Variants in RFTN1 observed in about 807,000 individuals in gnomAD.
RFTN1 encodes the protein raftlin.
RFTN1 carries 26 observed loss-of-function variants against 46.5 expected under a neutral mutation model. That is an observed-to-expected ratio of 0.56 (90% CI 0.41 to 0.78). The LOEUF (loss-of-function observed/expected upper bound fraction) is 0.78, where lower values mean the gene tolerates loss of function less well. Among genes scored for constraint, RFTN1 ranks in the 30% least tolerant of loss-of-function variants. RFTN1 has a pLI of 0.00. For synonymous variants in RFTN1, 261 were observed against 284.2 expected (o/e 0.92, Z 0.82); for missense variants, 693 against 718.7 (o/e 0.96, Z 0.41).
chr3:16,501,610 C>T (rs1164961422), intron 1 of RFTN1, among the ~76,000 whole-genome samples: 1 of 152,210 alleles, frequency 6.6e-6, no homozygotes, highest in Non-Finnish European at 1.5e-5. Context: ...TGCAATGATG[C>T]TGGATCAGCT....
chr3:16,319,392 A>G (rs180773723), intron 9 of RFTN1, among the ~76,000 whole-genome samples: 205 of 152,330 alleles, frequency 1.3e-3, no homozygotes, highest in African/African-American at 4.8e-3. Context: ...ATTAGCTGTC[A>G]GTCTTTAGGC....
At position 16,452,352 on chromosome 3, in the gene RFTN1, C is replaced by T. The variant is rs2075834575; in HGVS notation, c.146-18315G>A. Reference sequence around the variant, plus strand: ...AAGGGAAAAGTAATTTTAAAATGTGCGGGGTTACATTCAGATACCTTTGTA... The same window carrying T: ...AAGGGAAAAGTAATTTTAAAATGTGTGGGGTTACATTCAGATACCTTTGTA... On this transcript the variant is annotated intron_variant, in intron 2 of 9. Transcript: ENST00000334133. The surrounding 1 kb of genome is among the most constrained non-coding windows in gnomAD (Gnocchi z 6.3). 6.6e-6 allele frequency among the ~76,000 whole-genome samples: 1 copy of T among 152,072 alleles called. No homozygotes were observed. The highest frequency in any genetic ancestry group is 2.4e-5 in the African/African-American group (1 of 41,400).
At chr3:16,511,322 A>C (rs1241905123) in intron 1 of RFTN1, among the ~76,000 whole-genome samples, 1 of 152,244 alleles carries the variant, frequency 6.6e-6, no homozygotes, top group Non-Finnish European at 1.5e-5. Flanking sequence ...TGAAGTCAAA[A>C]TAATAAAATG....
In RFTN1 at chr3:16,381,812, T is replaced by C. The variant is rs144046883; in HGVS notation, c.442-3710A>G. Among the ~76,000 whole-genome samples, 326 of 152,242 alleles carry C rather than the reference T, an allele frequency of 2.1e-3. 2 individuals carry two copies. Among genetic ancestry groups the C allele is most frequent in the Non-Finnish European group, 4.1e-3 (280 of 68,028 alleles). ...CCCAGAAATGAAGCTTGACTAGACA[T>C]GACAAGGACCGGATCACATATGGCC... On this transcript the variant is annotated intron_variant, in intron 4 of 9. Coordinates refer to ENST00000334133, the MANE Select transcript of RFTN1 (RefSeq NM_015150.2). This position sits in a 1 kb window ranked among gnomAD's most constrained non-coding sequence, Gnocchi z 4.2.
rs940248259 is a variant in RFTN1, at chr3:16,334,575, T to C, written c.1147-7699A>G. The stretch of plus-strand genomic sequence containing the variant: ...ACAGCTCAGAGAACTGGGCAATGGC[T>C]GCTCATGTGTTGAGCCGGGGCATAC... On this transcript the variant is annotated intron_variant, in intron 7 of 9. Coordinates refer to ENST00000334133, the MANE Select transcript of RFTN1 (RefSeq NM_015150.2). This position sits in a 1 kb window ranked among gnomAD's most constrained non-coding sequence, Gnocchi z 4.3. Among the ~76,000 whole-genome samples the C allele has an allele frequency of 1.3e-5, 2 of 152,204 alleles. No individual in the cohort carries two copies. Among genetic ancestry groups the C allele is most frequent in the Non-Finnish European group, 2.9e-5 (2 of 68,034 alleles).
Position 16,377,802 on chromosome 3 carries a change from C to G in RFTN1, c.742G>C (p.Glu248Gln), listed in dbSNP as rs34276015. ...TTGCTCACCCCCTGTGGTGAAAGTTCTCCACCATCTCCCTCTCCGGAGGGT... is the reference window on the plus strand; with the variant it reads ...TTGCTCACCCCCTGTGGTGAAAGTTGTCCACCATCTCCCTCTCCGGAGGGT... Reference protein sequence around the residue: ...SSPSGEGDGGELSPQGVSKTL... With the variant: ...SSPSGEGDGGQLSPQGVSKTL... Residue 248 changes from glutamate (E) to glutamine (Q), a missense_variant, in exon 5 of 10, where the codon GAA (glutamate) becomes CAA (glutamine). Coordinates refer to ENST00000334133, the MANE Select transcript of RFTN1 (RefSeq NM_015150.2). 1.2e-6 allele frequency: 2 copies of G among 1,614,076 alleles called. No homozygotes were observed. Among genetic ancestry groups the G allele is most frequent in the Non-Finnish European group, 1.7e-6 (2 of 1,180,026 alleles).
At chr3:16,364,013 C>A (rs1057268191) in intron 6 of RFTN1, among the ~76,000 whole-genome samples, 4 of 152,232 alleles carry the variant, frequency 2.6e-5, no homozygotes, top group Admixed American at 6.5e-5. Context: ...CTAATTTGCT[C>A]TATTAACCAA....
At position 16,322,767 on chromosome 3, in the gene RFTN1, T is replaced by C. The variant is rs1233877312; in HGVS notation, c.1332+609A>G. 6.6e-6 allele frequency among the ~76,000 whole-genome samples: 1 copy of C among 152,114 alleles called. No homozygotes were observed. Among genetic ancestry groups the C allele is most frequent in the Non-Finnish European group, 1.5e-5 (1 of 68,016 alleles). On this transcript the variant is annotated intron_variant, in intron 9 of 9. Coordinates refer to ENST00000334133, the MANE Select transcript of RFTN1 (RefSeq NM_015150.2). The surrounding 1 kb of genome is among the most constrained non-coding windows in gnomAD (Gnocchi z 6.2). ...GAAGGCCAGTCTCTGTGCGACTGTT[T>C]CTAGGGTAGTTCAGAGTCCGGAGAG...
At chr3:16,471,189 A>G (rs2076188848) in intron 2 of RFTN1, among the ~76,000 whole-genome samples, 2 of 152,236 alleles carry the variant, frequency 1.3e-5, no homozygotes, top group Non-Finnish European at 2.9e-5. Context: ...CAAAGACAAA[A>G]ATGTGTGACT....
Position 16,480,022 on chromosome 3 carries a change from C to A in RFTN1, c.145+13703G>T, listed in dbSNP as rs898869427. Reference sequence around the variant, plus strand: ...CCAGAATTTGGTGGGATGTTTCAGACGCTGTTTCCTACATTGAGAGACCTT... The same window carrying A: ...CCAGAATTTGGTGGGATGTTTCAGAAGCTGTTTCCTACATTGAGAGACCTT... On this transcript the variant is annotated intron_variant, in intron 2 of 9. Transcript: ENST00000334133. This position sits in a 1 kb window ranked among gnomAD's most constrained non-coding sequence, Gnocchi z 4.3. Among the ~76,000 whole-genome samples, 1 of 152,194 alleles carries A rather than the reference C, an allele frequency of 6.6e-6. No individual in the cohort carries two copies. The highest frequency in any genetic ancestry group is 1.5e-5 in the Non-Finnish European group (1 of 68,034).
chr3:16,464,105 C>A (rs1360368505), intron 2 of RFTN1, among the ~76,000 whole-genome samples: 1 of 152,180 alleles, frequency 6.6e-6, no homozygotes, highest in African/African-American at 2.4e-5. Flanking sequence ...AACCTCTCGT[C>A]CCATGCAGTC....
intron 2 of RFTN1, among the ~76,000 whole-genome samples, chr3:16,477,195 G>GA (rs1202155907): frequency 5.0e-5 from 6 of 119,792 alleles, no homozygotes; most frequent in Admixed American, 4.8e-4. Context: ...TAAATTATTT[G>GA]GTTTTTTTCC....
Position 16,452,832 on chromosome 3 carries a change from T to A in RFTN1, c.146-18795A>T, listed in dbSNP as rs1340853156. ...CAATATCACAAGCCGTTCTTCCCTA[T>A]CAAGTTCTTTTGCACTTAGTGTTTC... On this transcript the variant is annotated intron_variant, in intron 2 of 9. Transcript: ENST00000334133. This position sits in a 1 kb window ranked among gnomAD's most constrained non-coding sequence, Gnocchi z 6.3. Among the ~76,000 whole-genome samples, 1 of 152,212 alleles carries A rather than the reference T, an allele frequency of 6.6e-6. No homozygotes were observed. Among genetic ancestry groups the A allele is most frequent in the Non-Finnish European group, 1.5e-5 (1 of 68,038 alleles).
chr3:16,510,803 C>T (rs1005344623), intron 1 of RFTN1, among the ~76,000 whole-genome samples: 39 of 152,234 alleles, frequency 2.6e-4, no homozygotes, highest in African/African-American at 9.2e-4. Flanking sequence ...AACACATGTC[C>T]CTACAGAGAC....
rs1370442923 is a variant in RFTN1, at chr3:16,498,680, A to G, written c.-8-4803T>C. 3.3e-5 allele frequency among the ~76,000 whole-genome samples: 5 copies of G among 152,306 alleles called. No homozygotes were observed. Among genetic ancestry groups the G allele is most frequent in the African/African-American group, 9.6e-5 (4 of 41,578 alleles). On this transcript the variant is annotated intron_variant, in intron 1 of 9. Coordinates refer to ENST00000334133, the MANE Select transcript of RFTN1 (RefSeq NM_015150.2). This position sits in a 1 kb window ranked among gnomAD's most constrained non-coding sequence, Gnocchi z 5.2. ...GCTGGCCATCAAAACCTTAGTGTGA[A>G]TTAGTTCCTCCTACTCTTTTGTGTA... is the stretch of plus-strand genomic sequence containing the variant.
Position 16,498,997 on chromosome 3 carries a change from T to G in RFTN1, c.-8-5120A>C, listed in dbSNP as rs2076666631. Among the ~76,000 whole-genome samples, 1 of 152,018 alleles carries G rather than the reference T, an allele frequency of 6.6e-6. No homozygotes were observed. The highest frequency in any genetic ancestry group is 2.4e-5 in the African/African-American group (1 of 41,392). On this transcript the variant is annotated intron_variant, in intron 1 of 9. Transcript: ENST00000334133. The surrounding 1 kb of genome is among the most constrained non-coding windows in gnomAD (Gnocchi z 5.2). ...CCTGCAAGAGGATGGAGGCAAAAGA[T>G]GGGTATGTTGCTTTTGAGGGCAGTG... is the stretch of plus-strand genomic sequence containing the variant.
chr3:16,328,204 G>A (rs907680481), intron 7 of RFTN1, among the ~76,000 whole-genome samples: 8 of 152,262 alleles, frequency 5.3e-5, no homozygotes, highest in African/African-American at 1.7e-4. Context: ...AGAGGTGGGA[G>A]AGATCCCAGC....
At chr3:16,390,973 A>G (rs921212657) in intron 4 of RFTN1, among the ~76,000 whole-genome samples, 16 of 152,230 alleles carry the variant, frequency 1.1e-4, no homozygotes, top group African/African-American at 3.9e-4. Context: ...TGTACCCCCC[A>G]TGACAACCTT....
In RFTN1 at chr3:16,351,094, T is replaced by G. The variant is rs2072066060; in HGVS notation, c.1146+6838A>C. Among the ~76,000 whole-genome samples, 1 of 152,178 alleles carries G rather than the reference T, an allele frequency of 6.6e-6. No homozygotes were observed. Among genetic ancestry groups the G allele is most frequent in the South Asian group, 2.1e-4 (1 of 4,826 alleles). ...GATTCACAGGATTATGAGACAGGGT[T>G]ACAGGCCAGAGTAGGTTTCAGTTAC... On this transcript the variant is annotated intron_variant, in intron 7 of 9. Coordinates refer to ENST00000334133, the MANE Select transcript of RFTN1 (RefSeq NM_015150.2). The surrounding 1 kb of genome is among the most constrained non-coding windows in gnomAD (Gnocchi z 5.4).
Sources: allele counts gnomAD v4.1 joint callset (sites outside exome capture counted in the v4.1 genomes callset), GRCh38; gene constraint gnomAD v4.1.1; non-coding constraint Gnocchi (gnomAD v3.1); transcripts MANE v1.5; gene names NCBI Gene and HGNC (gene_info 2026-07-23, HGNC 2026-07-21).